Variants in PSEN2 observed in about 807,000 individuals in gnomAD.
PSEN2 encodes presenilin-2.
In PSEN2, 32 loss-of-function variants were observed where a neutral mutation model predicts 49.1. The observed-to-expected ratio is 0.65, with a 90% CI of 0.49 to 0.88. The LOEUF (loss-of-function observed/expected upper bound fraction) is 0.88, where lower values mean the gene tolerates loss of function less well. Among genes scored for constraint, PSEN2 ranks in the 40% least tolerant of loss-of-function variants. PSEN2 has a pLI of 0.00. For synonymous variants in PSEN2, 255 were observed against 244.0 expected (o/e 1.05, Z -0.42); for missense variants, 522 against 586.9 (o/e 0.89, Z 1.14).
intron 7 of PSEN2, among the ~76,000 whole-genome samples, chr1:226,888,614 G>A (rs2102683727): frequency 6.6e-6 from 1 of 152,328 alleles, no homozygotes; most frequent in East Asian, 1.9e-4. Flanking sequence ...TGTGCACAGG[G>A]TCTTCCAGGT....
At chr1:226,883,680 GC>G (rs1661143943) in intron 4 of PSEN2, 24 bp from the exon 5 acceptor site, 1 of 1,608,678 alleles carries the variant, frequency 6.2e-7, no homozygotes. Context: ...ACATTCTGCG[GC>G]CCTCACGATG....
chr1:226,894,349 A>T (rs1412405429), intron 12 of PSEN2, among the ~76,000 whole-genome samples: 1 of 152,132 alleles, frequency 6.6e-6, no homozygotes, highest in African/African-American at 2.4e-5. Flanking sequence ...AGTGCAGGGG[A>T]GGGTGAGGAG....
intron 3 of PSEN2, among the ~76,000 whole-genome samples, chr1:226,878,846 A>G (rs536726339): frequency 2.3e-4 from 35 of 152,316 alleles, no homozygotes; most frequent in African/African-American, 7.9e-4. Flanking sequence ...CAGATGGAAT[A>G]TTATGATTTA....
At chr1:226,882,400 G>A (rs1435667766) in intron 4 of PSEN2, among the ~76,000 whole-genome samples, 1 of 152,230 alleles carries the variant, frequency 6.6e-6, no homozygotes, top group Non-Finnish European at 1.5e-5. Context: ...TGGTAGCAGG[G>A]GAAGCATTTT....
In PSEN2 at chr1:226,888,922, C is replaced by T; in HGVS notation, c.660C>T (p.His220=). 1 of 1,614,210 alleles carries T rather than the reference C, an allele frequency of 6.2e-7. No homozygotes were observed. Among genetic ancestry groups the T allele is most frequent in the Non-Finnish European group, 8.5e-7 (1 of 1,180,034 alleles). ...GGGCAGTGGGCATGGTGTGCATCCA[C>T]TGGAAGGGCCCTCTGGTGCTGCAGC... ...NFGAVGMVCI[H]WKGPLVLQQA... Residue 220 remains histidine (H), a synonymous_variant, in exon 8 of 13, where the codon CAC becomes CAT. Coordinates refer to ENST00000366783, the MANE Select transcript of PSEN2 (RefSeq NM_000447.3).
intron 2 of PSEN2, 124 bp downstream of exon 2, chr1:226,871,528 A>C (rs1465314270): frequency 6.6e-6 from 1 of 152,218 alleles, no homozygotes; most frequent in Admixed American, 6.5e-5. Flanking sequence ...AAAGGTATGA[A>C]CGGTGTTGAG....
chr1:226,898,123 A>G (rs1800674), downstream of PSEN2: 82,900 of 151,964 alleles, frequency 0.55, 22,755 homozygotes, highest in Middle Eastern at 0.69. Context: ...TGCCTGGCTA[A>G]TTTTGTATTT....
At chr1:226,887,313 A>G (rs964657707) in intron 6 of PSEN2, among the ~76,000 whole-genome samples, 1 of 152,150 alleles carries the variant, frequency 6.6e-6, no homozygotes, top group Admixed American at 6.5e-5. Flanking sequence ...CTGTGTGTGC[A>G]GCAGGGCCGT....
rs12058836 is a variant in PSEN2 at position 226,886,539 on chromosome 1, G to T, written c.498+860G>T. On this transcript the variant is annotated intron_variant, in intron 6 of 12. Transcript: ENST00000366783. The stretch of plus-strand genomic sequence containing the variant: ...CAGCGGCTTCAGGCTTTTCTCCCAG[G>T]TAAGGGGTTGAACCCCTAACGATGG... 1.8e-3 allele frequency among the ~76,000 whole-genome samples: 278 copies of T among 152,376 alleles called. 1 individual carries two copies. Among genetic ancestry groups the T allele is most frequent in the African/African-American group, 6.1e-3 (254 of 41,596 alleles).
At chr1:226,870,837 G>C (rs1263950589) in intron 1 of PSEN2, 188 bp downstream of exon 1, 1 of 152,798 alleles carries the variant, frequency 6.5e-6, no homozygotes, top group Non-Finnish European at 1.5e-5. Flanking sequence ...GGCCAGCGCG[G>C]GGGCGGAGAG....
At position 226,895,665 on chromosome 1, in the gene PSEN2, T is replaced by C. The variant is rs1662102140; in HGVS notation, c.*86T>C. On this transcript the variant is annotated 3_prime_UTR_variant, in exon 13 of 13. Coordinates refer to ENST00000366783, the MANE Select transcript of PSEN2 (RefSeq NM_000447.3). ...GTTTTACACTCTAGTGCCATATATT[T>C]TTAAGACTTTTCTTTCCTTAAAAAA... 1 of 1,440,004 alleles carries C rather than the reference T, an allele frequency of 6.9e-7. No individual in the cohort carries two copies. The highest frequency in any genetic ancestry group is 1.4e-5 in the African/African-American group (1 of 70,386). 89.2% of individuals were successfully genotyped at this position (1,440,004 alleles called of 1,614,324 possible).
intron 12 of PSEN2, chr1:226,903,389 A>G (rs774599241): frequency 2.0e-5 from 3 of 152,222 alleles, no homozygotes; most frequent in Non-Finnish European, 4.4e-5. Flanking sequence ...GAGCACACAC[A>G]CAGACCCTCC....
At position 226,895,981 on chromosome 1, in the gene PSEN2, C is replaced by T. The variant is rs1662126638; in HGVS notation, c.*402C>T. On this transcript the variant is annotated 3_prime_UTR_variant, in exon 13 of 13. Transcript: ENST00000366783. The stretch of plus-strand genomic sequence containing the variant: ...CGAGGAGTGTTCCCAATGCTTTGTC[C>T]ATGATGTCCTTGTTATTTTATTGCC... 1 of 289,570 alleles carries T rather than the reference C, an allele frequency of 3.5e-6. No individual in the cohort carries two copies. The highest frequency in any genetic ancestry group is 6.6e-6 in the Non-Finnish European group (1 of 150,976). 17.9% of individuals were successfully genotyped at this position (289,570 alleles called of 1,614,324 possible).
At chr1:226,877,222 G>A (rs1660691028) in intron 3 of PSEN2, among the ~76,000 whole-genome samples, 1 of 152,214 alleles carries the variant, frequency 6.6e-6, no homozygotes, top group Non-Finnish European at 1.5e-5. Context: ...CAACCATCCC[G>A]AATGCGGATC....
rs772105831 is a variant in PSEN2 at position 226,895,420 on chromosome 1, G to A, written c.1192-4G>A. The A allele has an allele frequency of 6.2e-7, 1 of 1,613,964 alleles. No homozygotes were observed. Among genetic ancestry groups the A allele is most frequent in the Non-Finnish European group, 8.5e-7 (1 of 1,179,986 alleles). On this transcript the variant is annotated splice_region_variant and splice_polypyrimidine_tract_variant and intron_variant, in intron 12 of 12. Coordinates refer to ENST00000366783, the MANE Select transcript of PSEN2 (RefSeq NM_000447.3). ...ACGCTCACCCTCCCCTCCATGTCCT[G>A]CAGGGCTTGTGTCTGACCCTCCTGC...
intron 11 of PSEN2, among the ~76,000 whole-genome samples, chr1:226,893,057 T>C (rs1446311302): frequency 2.0e-5 from 3 of 151,984 alleles, no homozygotes; most frequent in Non-Finnish European, 4.4e-5. Flanking sequence ...CTTGGCCTCC[T>C]GAGTAGCTGG....
At chr1:226,875,868 T>C (rs1660595810) in intron 3 of PSEN2, among the ~76,000 whole-genome samples, 1 of 152,236 alleles carries the variant, frequency 6.6e-6, no homozygotes, top group Non-Finnish European at 1.5e-5. Context: ...TTAATGGGAA[T>C]GTGCAGTGGC....
At position 226,890,140 on chromosome 1, in the gene PSEN2, G is replaced by T; in HGVS notation, c.886+7G>T. ...CCTGCCCTGATATACTCATGTGAGTGAGCCCCCCGTGCCTCTGCCTGACTC... is the reference window on the plus strand; with the variant it reads ...CCTGCCCTGATATACTCATGTGAGTTAGCCCCCCGTGCCTCTGCCTGACTC... On this transcript the variant is annotated splice_region_variant and intron_variant, in intron 9 of 12. Coordinates refer to ENST00000366783, the MANE Select transcript of PSEN2 (RefSeq NM_000447.3). 6.2e-7 allele frequency: 1 copy of T among 1,608,186 alleles called. No individual in the cohort carries two copies. The highest frequency in any genetic ancestry group is 2.2e-5 in the East Asian group (1 of 44,848).
At chr1:226,878,195 A>G (rs1660756012) in intron 3 of PSEN2, among the ~76,000 whole-genome samples, 1 of 151,336 alleles carries the variant, frequency 6.6e-6, no homozygotes, top group Non-Finnish European at 1.5e-5. Context: ...TTATCTTGCT[A>G]CAGCCTTCTG....
Sources: gnomAD v4.1 joint callset for allele counts (sites outside exome capture counted in the v4.1 genomes callset) on GRCh38, gnomAD v4.1.1 for gene constraint, MANE v1.5 for transcripts, NCBI Gene and HGNC (gene_info 2026-07-23, HGNC 2026-07-21) for gene names.